FOXP2: variants seen among roughly 807,000 people sequenced by gnomAD.
FOXP2 encodes forkhead box protein P2.
A neutral mutation model predicts 115.8 loss-of-function variants in FOXP2; 12 were observed. That is an observed-to-expected ratio of 0.10 (90% CI 0.07 to 0.17). The LOEUF (loss-of-function observed/expected upper bound fraction) is 0.17, where lower values mean the gene tolerates loss of function less well. Ranked by LOEUF, FOXP2 falls within the 10% of genes least tolerant of loss-of-function variation. The probability of loss-of-function intolerance (pLI) is 1.00; values close to 1 mark genes in which losing one functional copy is unlikely to be tolerated. For missense variants in FOXP2, 629 were observed against 843.5 expected (o/e 0.75, Z 3.15); for synonymous variants, 328 against 297.7 (o/e 1.10, Z -1.05).
intron 2 of FOXP2, among the ~76,000 whole-genome samples, chr7:114,322,621 A>G (rs182129816): frequency 1.5e-3 from 235 of 152,276 alleles, no homozygotes; most frequent in Middle Eastern, 3.4e-3. Flanking sequence ...AAGGAAACTG[A>G]GACAGAGAGG....
chr7:114,208,006 A>G (rs976661826), intron 1 of FOXP2, among the ~76,000 whole-genome samples: 13 of 152,190 alleles, frequency 8.5e-5, no homozygotes, highest in African/African-American at 2.4e-4. Context: ...CAGAGTTCCT[A>G]CTTGGTCACC....
intron 3 of FOXP2, among the ~76,000 whole-genome samples, chr7:114,568,493 G>T (rs564949122): frequency 1.3e-5 from 2 of 150,762 alleles, no homozygotes. Context: ...TTATCGTTTC[G>T]TTAAAATTTG....
At chr7:114,662,987 A>C (rs535841840) in intron 14 of FOXP2, among the ~76,000 whole-genome samples, 1 of 152,264 alleles carries the variant, frequency 6.6e-6, no homozygotes, top group South Asian at 2.1e-4. Context: ...ATCTGCATTC[A>C]AGAAATAGTT....
intron 6 of FOXP2, among the ~76,000 whole-genome samples, chr7:114,640,918 G>T (rs190427181): frequency 1.1e-4 from 17 of 152,240 alleles, no homozygotes; most frequent in Non-Finnish European, 2.4e-4. Flanking sequence ...AAAATATAAT[G>T]ATTTCTAACC....
At chr7:114,392,701 T>G (rs1159686116) in intron 2 of FOXP2, among the ~76,000 whole-genome samples, 3 of 152,188 alleles carry the variant, frequency 2.0e-5, no homozygotes, top group Non-Finnish European at 4.4e-5. Flanking sequence ...GGCTCTCTTC[T>G]TACAGTAATC....
At chr7:114,398,423 CTT>C (rs999442305) in intron 2 of FOXP2, among the ~76,000 whole-genome samples, 7 of 152,028 alleles carry the variant, frequency 4.6e-5, no homozygotes, top group African/African-American at 1.7e-4. Flanking sequence ...TGCATCAAAA[CTT>C]ATATATACTT....
chr7:114,394,054 G>A (rs1324472513), intron 2 of FOXP2, among the ~76,000 whole-genome samples: 2 of 151,338 alleles, frequency 1.3e-5, no homozygotes, highest in Admixed American at 6.6e-5. Flanking sequence ...CCGCTGAAAG[G>A]TCCCGGAAAC....
intron 16 of FOXP2, among the ~76,000 whole-genome samples, chr7:114,681,247 T>C (rs1563076506): frequency 6.6e-6 from 1 of 152,170 alleles, no homozygotes; most frequent in African/African-American, 2.4e-5. Flanking sequence ...GCTTTTCCTG[T>C]CAAAGTGAGA....
At chr7:114,233,300 A>G (rs748343805) in intron 1 of FOXP2, among the ~76,000 whole-genome samples, 2 of 152,218 alleles carry the variant, frequency 1.3e-5, no homozygotes, top group Non-Finnish European at 1.5e-5. Context: ...GTATTTCATC[A>G]TTTCATCTTT....
chr7:114,361,646 A>G (rs1022379811), intron 2 of FOXP2, among the ~76,000 whole-genome samples: 3 of 152,106 alleles, frequency 2.0e-5, no homozygotes, highest in Non-Finnish European at 1.5e-5. Context: ...ATTAGTGTGT[A>G]TTCACAAAAC....
intron 1 of FOXP2, among the ~76,000 whole-genome samples, chr7:114,231,420 T>G (rs1354263043): frequency 6.6e-6 from 1 of 151,988 alleles, no homozygotes; most frequent in African/African-American, 2.4e-5. Flanking sequence ...CCAAAACAAT[T>G]TAGAAACAGA....
chr7:114,607,649 A>G (rs1285507439), intron 3 of FOXP2, among the ~76,000 whole-genome samples: 1 of 152,178 alleles, frequency 6.6e-6, no homozygotes, highest in Non-Finnish European at 1.5e-5. Flanking sequence ...AATCCAAAGA[A>G]AATGCACAGA....
chr7:114,438,310 G>T (rs1198487764), intron 2 of FOXP2, among the ~76,000 whole-genome samples: 36 of 151,972 alleles, frequency 2.4e-4, no homozygotes, highest in Non-Finnish European at 5.9e-5. Context: ...CAAGTGTTTT[G>T]TTAATTCTTC....
At chr7:114,468,529 G>A (rs1195056537) in intron 2 of FOXP2, among the ~76,000 whole-genome samples, 1 of 151,876 alleles carries the variant, frequency 6.6e-6, no homozygotes, top group African/African-American at 2.4e-5. Context: ...TTAATCTCTA[G>A]CAATCCTGCT....
chr7:114,366,881 G>A (rs1791894698), intron 2 of FOXP2, among the ~76,000 whole-genome samples: 1 of 151,812 alleles, frequency 6.6e-6, no homozygotes, highest in Admixed American at 6.6e-5. Flanking sequence ...GTTGATTCAG[G>A]GGAATTATAC....
In FOXP2 at chr7:114,132,541, TTGTGTGTGTG is replaced by T. The variant is rs145500210; in HGVS notation, c.-246-30370_-246-30361del. Among the ~76,000 whole-genome samples, 342 of 90,632 alleles carry T rather than the reference TTGTGTGTGTG, an allele frequency of 3.8e-3. 2 individuals carry two copies. The highest frequency in any genetic ancestry group is 6.0e-3 in the African/African-American group (113 of 18,898). The allele number at this position is 90,632 out of a possible 152,430, so 59.5% of individuals were successfully genotyped here. A position where few individuals can be genotyped will look rare whatever the true frequency, so the allele number is the denominator to read the frequency against. On this transcript the variant is annotated intron_variant, in intron 1 of 19. Transcript: ENST00000635638. ...AGAAAAATAAAATAGAAAAGATAAA[TTGTGTGTGTG>T]TGTGTGTGTGTGTGTGTGTGTGTGT...
At chr7:114,296,735 G>C (rs1166538354) in intron 2 of FOXP2, among the ~76,000 whole-genome samples, 1 of 152,142 alleles carries the variant, frequency 6.6e-6, no homozygotes, top group Admixed American at 6.5e-5. Flanking sequence ...ATCTGATGCA[G>C]AGAAATGAAG....
At chr7:114,284,831 G>T (rs1237306959) in intron 1 of FOXP2, among the ~76,000 whole-genome samples, 1 of 152,140 alleles carries the variant, frequency 6.6e-6, no homozygotes, top group African/African-American at 2.4e-5. Flanking sequence ...AGTAGACCAT[G>T]GAATACTATG....
intron 1 of FOXP2, among the ~76,000 whole-genome samples, chr7:114,211,475 G>A (rs555817546): frequency 7.2e-4 from 110 of 152,330 alleles, no homozygotes; most frequent in African/African-American, 2.3e-3. Context: ...TTCCGCTCCT[G>A]GATGGGCTGT....
Sources: gnomAD v4.1 joint callset for allele counts (sites outside exome capture counted in the v4.1 genomes callset) on GRCh38, gnomAD v4.1.1 for gene constraint, MANE v1.5 for transcripts, NCBI Gene and HGNC (gene_info 2026-07-23, HGNC 2026-07-21) for gene names.